The following KLRG2 variants were observed in gnomAD, a reference collection of about 807,000 sequenced individuals.
KLRG2 encodes killer cell lectin like receptor G2.
Under a neutral mutation model 35.4 loss-of-function variants are expected in KLRG2, and 39 were observed. That is an observed-to-expected ratio of 1.10 (90% CI 0.85 to 1.44). The LOEUF (loss-of-function observed/expected upper bound fraction) is 1.44. KLRG2 is among the 40% of genes most tolerant of loss of function. The pLI is 0.00. For missense variants in KLRG2, 632 were observed against 570.9 expected, an observed-to-expected ratio of 1.11 and a Z score of -1.09; for synonymous variants, 283 against 265.8, an observed-to-expected ratio of 1.06 and a Z score of -0.63.
At chr7:139,439,292 C>G in the KLRG2 span, among the ~76,000 whole-genome samples, 1 of 152,144 alleles carries the variant, frequency 6.6e-6, no homozygotes, top group South Asian at 2.1e-4. Context: ...TCCGCTTCTA[C>G]GAACTCTACA....
intron 3 of KLRG2, among the ~76,000 whole-genome samples, chr7:139,478,070 A>T (rs887597623): frequency 3.6e-5 from 5 of 140,274 alleles, no homozygotes; most frequent in African/African-American, 1.3e-4. Context: ...CAATTTTTTT[A>T]AATGGGGAAA....
chr7:139,463,761 C>T (rs554030602), intron 3 of KLRG2, among the ~76,000 whole-genome samples: 5 of 152,334 alleles, frequency 3.3e-5, no homozygotes, highest in South Asian at 4.1e-4. Flanking sequence ...TAGCGGCTGA[C>T]GACCGACGCT....
At chr7:139,451,864 G>C (rs1287890888), downstream of KLRG2, among the ~76,000 whole-genome samples, 2 of 152,120 alleles carry the variant, frequency 1.3e-5, no homozygotes, top group Non-Finnish European at 1.5e-5. Context: ...GGGGATGGGG[G>C]CGGTAACATA....
At position 139,453,640 on chromosome 7, in the gene KLRG2, C is replaced by T. The variant is rs1271542451; in HGVS notation, c.1177G>A (p.Ala393Thr). The T allele has an allele frequency of 6.2e-6, 10 of 1,613,548 alleles. No homozygotes were observed. The Admixed American group carries it at 1.7e-4, about 27-fold the overall frequency. ...GGTCTTGGAGTGCTGCAGTTTGCAG[C>T]CACCAGCGTGCCTTCCTCCAGGGCC... ...CGALEEGTLV[A>T]ANCSTPRPWV... Residue 393 changes from alanine to threonine, a missense_variant, in exon 5 of 5, where the codon GCT becomes ACT. Ala to Thr is a moderately conservative substitution (Grantham distance 58). Transcript: ENST00000340940.
intron 3 of KLRG2, among the ~76,000 whole-genome samples, chr7:139,454,838 AATAAT>A (rs1402348549): frequency 1.3e-5 from 1 of 78,400 alleles, no homozygotes; most frequent in Non-Finnish European, 2.2e-5. Flanking sequence ...TAATAATAAT[AATAAT>A]AATAATAATA....
intron 3 of KLRG2, among the ~76,000 whole-genome samples, chr7:139,456,794 T>C (rs1420287137): frequency 1.3e-5 from 2 of 152,222 alleles, no homozygotes; most frequent in Non-Finnish European, 2.9e-5. Context: ...TGCTGCCTTC[T>C]AATGGCTTGC....
intron 3 of KLRG2, among the ~76,000 whole-genome samples, chr7:139,470,593 A>C (rs767444627): frequency 1.3e-5 from 2 of 152,184 alleles, no homozygotes; most frequent in Non-Finnish European, 1.5e-5. Context: ...GGATTTTGAG[A>C]TCAGCCTGGG....
At chr7:139,473,152 G>C (rs1018170950) in intron 3 of KLRG2, among the ~76,000 whole-genome samples, 21 of 152,164 alleles carry the variant, frequency 1.4e-4, no homozygotes, top group Non-Finnish European at 2.8e-4. Flanking sequence ...GTGGTGGTTC[G>C]ACCCTATAAT....
At chr7:139,461,201 C>T (rs886789519) in intron 3 of KLRG2, among the ~76,000 whole-genome samples, 3 of 151,812 alleles carry the variant, frequency 2.0e-5, no homozygotes, top group Admixed American at 6.6e-5. Flanking sequence ...GAGCTGAGAT[C>T]GCACCACTGC....
chr7:139,464,348 T>C (rs529427136), intron 3 of KLRG2, among the ~76,000 whole-genome samples: 2 of 152,346 alleles, frequency 1.3e-5, no homozygotes, highest in South Asian at 2.1e-4. Context: ...TTAAAACCTA[T>C]AAACTCTCCT....
the KLRG2 span, among the ~76,000 whole-genome samples, chr7:139,439,153 T>G: frequency 6.6e-6 from 1 of 152,210 alleles, no homozygotes; most frequent in Non-Finnish European, 1.5e-5. Flanking sequence ...ACAAGACTAA[T>G]GTCTATCAAC....
chr7:139,442,830 A>G, the KLRG2 span, among the ~76,000 whole-genome samples: 1 of 152,170 alleles, frequency 6.6e-6, no homozygotes, highest in Non-Finnish European at 1.5e-5. Flanking sequence ...CCCTGCCTCA[A>G]AACAAAACAA....
chr7:139,429,957 C>CG, the KLRG2 span, among the ~76,000 whole-genome samples: 2 of 151,982 alleles, frequency 1.3e-5, no homozygotes, highest in South Asian at 2.1e-4. Context: ...GCTGGCCGGG[C>CG]GGGGGGCTGA....
rs536686546 is a variant in KLRG2, at chr7:139,462,207, C to T, written c.1006-7993G>A. ...ACAGTCTTCCCTTGGTGTTTAATCA[C>T]GCAGGGATGCCTGCTTGATTACTCA... On this transcript the variant is annotated intron_variant, in intron 3 of 4. Transcript: ENST00000340940. Among the ~76,000 whole-genome samples the T allele has an allele frequency of 4.5e-3, 693 of 152,320 alleles. 5 individuals are homozygous for T. The highest frequency in any genetic ancestry group is 0.016 in the African/African-American group (674 of 41,570).
intron 3 of KLRG2, among the ~76,000 whole-genome samples, chr7:139,469,492 C>T (rs10240618): frequency 0.095 from 14,469 of 151,932 alleles, 1,136 homozygotes; most frequent in East Asian, 0.37. Flanking sequence ...GAGTTTCGCT[C>T]CGTCACCCAG....
chr7:139,445,798 T>TATATATATATAC, the KLRG2 span, among the ~76,000 whole-genome samples: 936 of 126,022 alleles, frequency 7.4e-3, 112 homozygotes, highest in African/African-American at 0.042. Flanking sequence ...TATATGTGTG[T>TATATATATATAC]ATATATATAT....
At chr7:139,445,767 GTATATATATA>G in the KLRG2 span, among the ~76,000 whole-genome samples, 2 of 89,634 alleles carry the variant, frequency 2.2e-5, no homozygotes, top group Non-Finnish European at 2.0e-5. Flanking sequence ...ATATGTGTAT[GTATATATATA>G]TATGTATATA....
In KLRG2 at chr7:139,453,543, G is replaced by A. The variant is rs1357971846; in HGVS notation, c.*44C>T. The A allele has an allele frequency of 1.3e-6, 2 of 1,558,688 alleles. No homozygotes were observed. The highest frequency in any genetic ancestry group is 1.9e-5 in the Admixed American group (1 of 51,948). On this transcript the variant is annotated 3_prime_UTR_variant, in exon 5 of 5. Transcript: ENST00000340940. ...TCTCAACTGGCCTCCCCTGTAGGGG[G>A]TGCTGCATCTGCCTGGCAGGCTGAG...
chr7:139,451,492 C>T (rs939355869), downstream of KLRG2, among the ~76,000 whole-genome samples: 4 of 151,748 alleles, frequency 2.6e-5, no homozygotes, highest in African/African-American at 9.7e-5. Flanking sequence ...GAGCGAGACT[C>T]GGCCTCAAAA....
Sources: allele counts gnomAD v4.1 joint callset (sites outside exome capture counted in the v4.1 genomes callset), GRCh38; gene constraint gnomAD v4.1.1; transcripts MANE v1.5; gene names NCBI Gene and HGNC (gene_info 2026-07-23, HGNC 2026-07-21).